The following CEMIP variants were observed in gnomAD, a reference collection of about 807,000 sequenced individuals.
CEMIP encodes cell migration-inducing and hyaluronan-binding protein.
A neutral mutation model predicts 156.9 loss-of-function variants in CEMIP; 105 were observed. The ratio of observed to expected loss-of-function variants is 0.67; its 90% CI spans 0.57 to 0.79. The LOEUF (loss-of-function observed/expected upper bound fraction) is 0.79, where lower values mean the gene tolerates loss of function less well. Ranked by LOEUF, CEMIP falls within the 30% of genes least tolerant of loss-of-function variation. CEMIP has a pLI of 0.00. For missense variants in CEMIP, 1,457 were observed against 1,769.4 expected, an observed-to-expected ratio of 0.82 and a Z score of 3.17; for synonymous variants, 676 against 668.4, an observed-to-expected ratio of 1.01 and a Z score of -0.17.
intron 1 of CEMIP, among the ~76,000 whole-genome samples, chr15:80,873,035 G>A (rs994980648): frequency 6.6e-6 from 1 of 152,138 alleles, no homozygotes; most frequent in African/African-American, 2.4e-5. Flanking sequence ...GGAAGGAGAA[G>A]GGAGAGAAGA....
intron 12 of CEMIP, among the ~76,000 whole-genome samples, chr15:80,905,386 C>T (rs992891777): frequency 3.9e-5 from 6 of 152,224 alleles, no homozygotes; most frequent in African/African-American, 1.4e-4. Context: ...CCTAAGATCT[C>T]TTTATTCCAT....
intron 1 of CEMIP, among the ~76,000 whole-genome samples, chr15:80,870,559 G>A (rs760931563): frequency 3.9e-5 from 6 of 152,216 alleles, no homozygotes; most frequent in Admixed American, 1.3e-4. Context: ...ACTCCGGTGC[G>A]GCTGGGCCTG....
chr15:80,883,381 A>G (rs2141833203), intron 6 of CEMIP, among the ~76,000 whole-genome samples: 1 of 152,350 alleles, frequency 6.6e-6, no homozygotes, highest in East Asian at 1.9e-4. Flanking sequence ...TCTTGCTATT[A>G]TAAGAGATCT....
chr15:80,894,963 G>A (rs1349874425), intron 10 of CEMIP, 27 bp from the exon 11 acceptor site: 1 of 1,612,214 alleles, frequency 6.2e-7, no homozygotes, highest in Non-Finnish European at 8.5e-7. Flanking sequence ...AAACGACTTT[G>A]CTCTGTAATT....
intron 5 of CEMIP, 21 bp from the exon 6 acceptor site, chr15:80,880,879 G>A (rs780025059): frequency 9.4e-6 from 15 of 1,599,124 alleles, no homozygotes; most frequent in African/African-American, 2.7e-5. Flanking sequence ...GCCAACTCTG[G>A]GGAGCTGTTT....
intron 1 of CEMIP, among the ~76,000 whole-genome samples, chr15:80,811,314 G>T (rs1596105474): frequency 6.6e-6 from 1 of 152,210 alleles, no homozygotes; most frequent in African/African-American, 2.4e-5. Flanking sequence ...CCATCATGGA[G>T]CCTGGAGATT....
In CEMIP at chr15:80,909,149, T is replaced by A. The variant is rs766424626; in HGVS notation, c.1640T>A (p.Met547Lys). ...TTGGAGGGCACGGAGCTGAAGCATA[T>A]GGGACAGCAGCTGGTGGGTCAGTAC... is the stretch of plus-strand genomic sequence containing the variant. The part of the protein sequence containing the change: ...AHLEGTELKH[M>K]GQQLVGQYPI... Residue 547 changes from methionine to lysine, a missense_variant, in exon 14 of 30, where the codon ATG (methionine) becomes AAG (lysine). Met to Lys is a moderately conservative substitution (Grantham distance 95, BLOSUM62 -1). Coordinates refer to ENST00000394685, the MANE Select transcript of CEMIP (RefSeq NM_001293298.2). The A allele has an allele frequency of 1.2e-6, 2 of 1,614,136 alleles. No homozygotes were observed. The highest frequency in any genetic ancestry group is 1.7e-6 in the Non-Finnish European group (2 of 1,180,024).
At chr15:80,940,737 C>G (rs1901304012) in intron 25 of CEMIP, among the ~76,000 whole-genome samples, 1 of 152,208 alleles carries the variant, frequency 6.6e-6, no homozygotes. Flanking sequence ...AAAAACCCAG[C>G]TGGGCCTCAT....
intron 1 of CEMIP, among the ~76,000 whole-genome samples, chr15:80,860,588 C>T (rs143675906): frequency 3.0e-3 from 451 of 152,328 alleles, no homozygotes; most frequent in African/African-American, 0.01. Flanking sequence ...ATTTTCAATG[C>T]CCATCTCACC....
At position 80,942,292 on chromosome 15, in the gene CEMIP, C is replaced by T; in HGVS notation, c.3654C>T (p.Ser1218=). 1.2e-6 allele frequency: 2 copies of T among 1,614,130 alleles called. No individual in the cohort carries two copies. Among genetic ancestry groups the T allele is most frequent in the Non-Finnish European group, 8.5e-7 (1 of 1,179,984 alleles). ...DHFLEVKMES[S]KQHFFHLWND... ...TCTTGGAGGTGAAGATGGAGAGTTC[C>T]AAGCAGCACTTCTTCCACCTCTGGA... is the stretch of plus-strand genomic sequence containing the variant. The change falls in exon 27 of 30, where the codon TCC becomes TCT. Residue 1218 remains serine, a synonymous_variant. Transcript: ENST00000394685.
intron 1 of CEMIP, among the ~76,000 whole-genome samples, chr15:80,845,174 G>A (rs1200179177): frequency 6.6e-6 from 1 of 152,114 alleles, no homozygotes. Flanking sequence ...ATTGAGGCCG[G>A]GTGTGATGGC....
intron 1 of CEMIP, among the ~76,000 whole-genome samples, chr15:80,864,771 T>C (rs74030624): frequency 2.0e-5 from 3 of 152,374 alleles, no homozygotes; most frequent in African/African-American, 4.8e-5. Context: ...AAGTGTCTGT[T>C]TGAGATTTAG....
chr15:80,848,348 C>T (rs917211796), intron 1 of CEMIP, among the ~76,000 whole-genome samples: 137 of 152,278 alleles, frequency 9.0e-4, no homozygotes, highest in Non-Finnish European at 2.5e-4. Context: ...TCTGGACAGC[C>T]GCCCCTCAAC....
chr15:80,926,167 A>G (rs536519576), intron 19 of CEMIP, among the ~76,000 whole-genome samples: 1 of 152,324 alleles, frequency 6.6e-6, no homozygotes, highest in East Asian at 1.9e-4. Flanking sequence ...CATTTTAGAG[A>G]CGATAAACTG....
At chr15:80,831,640 G>A (rs901406668) in intron 1 of CEMIP, among the ~76,000 whole-genome samples, 12 of 152,156 alleles carry the variant, frequency 7.9e-5, no homozygotes, top group Admixed American at 6.5e-4. Flanking sequence ...ACAGGGCACC[G>A]GTGAGCATTC....
chr15:80,909,182 A>C lies in CEMIP; in HGVS notation c.1673A>C (p.His558Pro). ...CAGCTGGTGGGTCAGTACCCGATTC[A>C]CTTCCACCTGGCCGGTGATGTAGAC... Reference protein sequence around the residue: ...GQQLVGQYPIHFHLAGDVDER... With the variant: ...GQQLVGQYPIPFHLAGDVDER... Residue 558 changes from histidine to proline, a missense_variant, in exon 14 of 30, where the codon CAC (histidine) becomes CCC (proline). Physicochemically the swap from His to Pro is moderately conservative, Grantham distance 77. Around this residue, in one of 5 missense-constraint regions of CEMIP, gnomAD observed 53 missense variants for 104.5 expected, o/e 0.51. Coordinates refer to ENST00000394685, the MANE Select transcript of CEMIP (RefSeq NM_001293298.2). 6.2e-7 allele frequency: 1 copy of C among 1,614,100 alleles called. No individual in the cohort carries two copies. The highest frequency in any genetic ancestry group is 8.5e-7 in the Non-Finnish European group (1 of 1,180,008).
chr15:80,813,173 A>T (rs923520580), intron 1 of CEMIP, among the ~76,000 whole-genome samples: 1 of 152,280 alleles, frequency 6.6e-6, no homozygotes, highest in Non-Finnish European at 1.5e-5. Context: ...GAAGCTGGTC[A>T]CTTCTGGGTT....
intron 14 of CEMIP, among the ~76,000 whole-genome samples, chr15:80,915,471 C>T (rs1900234482): frequency 6.6e-6 from 1 of 152,206 alleles, no homozygotes; most frequent in African/African-American, 2.4e-5. Context: ...TCTCTCCTTT[C>T]CATATGAGCC....
At chr15:80,845,113 T>C (rs1897522026) in intron 1 of CEMIP, among the ~76,000 whole-genome samples, 1 of 152,144 alleles carries the variant, frequency 6.6e-6, no homozygotes, top group South Asian at 2.1e-4. Flanking sequence ...TTGACAATTA[T>C]TTATTGGGGG....
Sources: allele counts gnomAD v4.1 joint callset (sites outside exome capture counted in the v4.1 genomes callset), GRCh38; gene constraint gnomAD v4.1.1; regional missense constraint gnomAD v4.1.1; transcripts MANE v1.5; gene names NCBI Gene and HGNC (gene_info 2026-07-23, HGNC 2026-07-21).